Variants in RAB27A observed in about 807,000 individuals in gnomAD.
The protein encoded by RAB27A is RAB27A, member RAS oncogene family, also known as ras-related protein Rab-27A.
In RAB27A, 17 loss-of-function variants were observed where a neutral mutation model predicts 20.8. That is an observed-to-expected ratio of 0.82 (90% CI 0.56 to 1.23). RAB27A has a LOEUF of 1.23. Among genes scored for constraint, RAB27A ranks in the 50% most tolerant of loss-of-function variants. The probability of loss-of-function intolerance (pLI) is 0.00; values close to 1 mark genes in which losing one functional copy is unlikely to be tolerated. For missense variants in RAB27A, 277 were observed against 266.7 expected, an observed-to-expected ratio of 1.04 and a Z score of -0.27; for synonymous variants, 85 against 92.8, an observed-to-expected ratio of 0.92 and a Z score of 0.48.
chr15:55,310,659 A>G (rs964764285), intron 2 of RAB27A, among the ~76,000 whole-genome samples: 4 of 152,112 alleles, frequency 2.6e-5, no homozygotes, highest in Non-Finnish European at 4.4e-5. Context: ...GCCTTTTTTT[A>G]AATCCCATTT....
At chr15:55,287,577 G>T (rs1479990549) in intron 1 of RAB27A, among the ~76,000 whole-genome samples, 1 of 151,696 alleles carries the variant, frequency 6.6e-6, no homozygotes, top group African/African-American at 2.4e-5. Flanking sequence ...GAGAAACCCT[G>T]TCTCTACTAA....
intron 2 of RAB27A, among the ~76,000 whole-genome samples, chr15:55,258,066 C>CA (rs553999609): frequency 0.23 from 14,257 of 61,150 alleles, 1,112 homozygotes; most frequent in Admixed American, 0.31. Flanking sequence ...GACTCAGTCT[C>CA]AAAAAAAAAA....
At position 55,205,384 on chromosome 15, in the gene RAB27A, A is replaced by C. The variant is rs1290504131; in HGVS notation, c.*123T>G. The C allele has an allele frequency of 1.0e-6, 1 of 975,856 alleles. No homozygotes were observed. The highest frequency in any genetic ancestry group is 1.6e-5 in the African/African-American group (1 of 62,074). The allele number at this position is 975,856 out of a possible 1,614,324, so 60.4% of individuals were successfully genotyped here. A position where few individuals can be genotyped will look rare whatever the true frequency, so the allele number is the denominator to read the frequency against. On this transcript the variant is annotated 3_prime_UTR_variant, in exon 7 of 7. Coordinates refer to ENST00000336787, the MANE Select transcript of RAB27A (RefSeq NM_183235.3). ...AACCGGATGCTTTATTCGTAGGTCT[A>C]ATGGGGATGGTGAGAAGCAATTTGT...
At chr15:55,253,125 C>T (rs1396932988) in intron 2 of RAB27A, among the ~76,000 whole-genome samples, 9 of 145,752 alleles carry the variant, frequency 6.2e-5, no homozygotes, top group Non-Finnish European at 1.0e-4. Context: ...GAGCAAGACT[C>T]TGTCTCTGAA....
chr15:55,247,242 A>T (rs956719001), intron 2 of RAB27A, among the ~76,000 whole-genome samples: 1 of 152,170 alleles, frequency 6.6e-6, no homozygotes, highest in Non-Finnish European at 1.5e-5. Context: ...AGCTCTGAAG[A>T]GGTAAAATGA....
At chr15:55,283,266 G>A (rs956923355) in intron 1 of RAB27A, among the ~76,000 whole-genome samples, 6 of 152,154 alleles carry the variant, frequency 3.9e-5, no homozygotes, top group Non-Finnish European at 8.8e-5. Context: ...ATTGCTAAAT[G>A]TCCCATGTGG....
At chr15:55,310,629 G>C (rs139268089) in intron 2 of RAB27A, among the ~76,000 whole-genome samples, 2 of 152,056 alleles carry the variant, frequency 1.3e-5, no homozygotes, top group Non-Finnish European at 2.9e-5. Context: ...GCTTGCCTGA[G>C]GGCCATGACT....
intron 2 of RAB27A, among the ~76,000 whole-genome samples, chr15:55,263,969 G>A (rs1262510463): frequency 1.3e-5 from 2 of 152,206 alleles, no homozygotes; most frequent in African/African-American, 2.4e-5. Flanking sequence ...AACATCGTAA[G>A]AGAATACAAC....
chr15:55,228,890 C>T (rs1461207321), intron 4 of RAB27A, among the ~76,000 whole-genome samples, 178 bp from the exon 5 acceptor site: 1 of 152,030 alleles, frequency 6.6e-6, no homozygotes, highest in African/African-American at 2.4e-5. Flanking sequence ...GTTAACAGAC[C>T]ATGTGATTTG....
intron 6 of RAB27A, among the ~76,000 whole-genome samples, chr15:55,213,867 A>G (rs1566899653): frequency 6.6e-6 from 1 of 152,246 alleles, no homozygotes; most frequent in Non-Finnish European, 1.5e-5. Flanking sequence ...TAATGATAAT[A>G]GAAATAAAGT....
Position 55,203,505 on chromosome 15 carries a change from CCCA to C in RAB27A, c.*1999_*2001del, listed in dbSNP as rs2140884529. The C allele has an allele frequency of 6.6e-6, 1 of 150,674 alleles. No homozygotes were observed. The highest frequency in any genetic ancestry group is 2.1e-4 in the South Asian group (1 of 4,744). The allele number at this position is 150,674 out of a possible 1,614,324, so 9.3% of individuals were successfully genotyped here. A position where few individuals can be genotyped will look rare whatever the true frequency, so the allele number is the denominator to read the frequency against. On this transcript the variant is annotated 3_prime_UTR_variant, in exon 7 of 7. Transcript: ENST00000336787. ...TCTCGGCTCACTGCAAGCTCCGCCT[CCCA>C]GGTTCACGCCATTCTCCTGCCTCAG... is the stretch of plus-strand genomic sequence containing the variant.
chr15:55,216,430 G>A (rs1225155264), intron 6 of RAB27A, among the ~76,000 whole-genome samples: 2 of 152,052 alleles, frequency 1.3e-5, no homozygotes, highest in Non-Finnish European at 2.9e-5. Flanking sequence ...CTACTAGGGA[G>A]GCTGAGACGG....
chr15:55,291,573 G>A (rs1199471309), upstream of RAB27A, among the ~76,000 whole-genome samples: 4 of 134,650 alleles, frequency 3.0e-5, no homozygotes, highest in Non-Finnish European at 4.7e-5. Flanking sequence ...TTCATGTCCA[G>A]AGGAATAGTC....
chr15:55,255,197 T>G, intron 2 of RAB27A, among the ~76,000 whole-genome samples: 1 of 152,174 alleles, frequency 6.6e-6, no homozygotes, highest in East Asian at 1.9e-4. Context: ...CTGGTTCCAG[T>G]AATTAACAGA....
chr15:55,212,532 C>CT lies in RAB27A; in HGVS notation c.468-6828dup, dbSNP rs59221045. Among the ~76,000 whole-genome samples the CT allele has an allele frequency of 3.6e-3, 485 of 134,020 alleles. 2 individuals carry two copies. Among genetic ancestry groups the CT allele is most frequent in the Middle Eastern group, 7.9e-3 (2 of 252 alleles). 87.9% of individuals were successfully genotyped at this position (134,020 alleles called of 152,430 possible). ...ATCAAGTTGCTCAAGAGCAACAAAT[C>CT]TTTTTTTTTTTTTTTTTGAGACAGT... is the stretch of plus-strand genomic sequence containing the variant. On this transcript the variant is annotated intron_variant, in intron 6 of 6. Coordinates refer to ENST00000336787, the MANE Select transcript of RAB27A (RefSeq NM_183235.3).
chr15:55,230,101 G>T (rs571705378), intron 4 of RAB27A, among the ~76,000 whole-genome samples: 3 of 152,134 alleles, frequency 2.0e-5, no homozygotes, highest in African/African-American at 7.2e-5. Context: ...ATGTAACTTG[G>T]CCACTTTCTT....
rs75276861 is a variant in RAB27A at position 55,264,883 on chromosome 15, C to T, written c.-23+5282G>A. Among the ~76,000 whole-genome samples, 152 of 152,248 alleles carry T rather than the reference C, an allele frequency of 1.0e-3. 1 individual carries two copies. Among genetic ancestry groups the T allele is most frequent in the African/African-American group, 3.6e-3 (148 of 41,554 alleles). ...ACTATGTTAAGCACCAAGAATGTGG[C>T]TCTAGAAGAGCAACAGTCTAATAGG... On this transcript the variant is annotated intron_variant, in intron 2 of 6. Coordinates refer to ENST00000336787, the MANE Select transcript of RAB27A (RefSeq NM_183235.3).
intron 2 of RAB27A, among the ~76,000 whole-genome samples, chr15:55,252,909 T>A (rs145017371): frequency 2.0e-5 from 3 of 148,796 alleles, no homozygotes; most frequent in African/African-American, 7.4e-5. Context: ...CCAAGGCGGG[T>A]GGATCACGAG....
intron 2 of RAB27A, chr15:55,237,166 C>T (rs1896293875): frequency 6.6e-6 from 1 of 152,214 alleles, no homozygotes; most frequent in Non-Finnish European, 1.5e-5. Flanking sequence ...CCTTTTTACC[C>T]AGCACCATAT....
Sources: allele counts gnomAD v4.1 joint callset (sites outside exome capture counted in the v4.1 genomes callset), GRCh38; gene constraint gnomAD v4.1.1; transcripts MANE v1.5; gene names NCBI Gene and HGNC (gene_info 2026-07-23, HGNC 2026-07-21).